The following MAP3K5 variants were observed in gnomAD, a reference collection of about 807,000 sequenced individuals.
MAP3K5 encodes the protein mitogen-activated protein kinase kinase kinase 5.
MAP3K5 carries 56 observed loss-of-function variants against 158.7 expected under a neutral mutation model. The observed-to-expected ratio is 0.35, with a 90% CI of 0.28 to 0.44. The LOEUF (loss-of-function observed/expected upper bound fraction) is 0.44. Among genes scored for constraint, MAP3K5 ranks in the 20% least tolerant of loss-of-function variants. MAP3K5 has a pLI of 1.00. For synonymous variants in MAP3K5, 579 were observed against 601.7 expected, an observed-to-expected ratio of 0.96 and a Z score of 0.55; for missense variants, 1,294 against 1,674.8, an observed-to-expected ratio of 0.77 and a Z score of 3.97.
rs1780110156 is a variant in MAP3K5, at chr6:136,685,515, CA to C, written c.1253+8624del. 3.9e-5 allele frequency among the ~76,000 whole-genome samples: 6 copies of C among 152,206 alleles called. No homozygotes were observed. In the East Asian group the frequency reaches 7.7e-4, roughly 20 times the overall value. ...TCCTCCCTCCACTGTGGGTCAGGAA[CA>C]TTTATTAATATTATTAAAAAAGAGA... On this transcript the variant is annotated intron_variant, in intron 7 of 29. Coordinates refer to ENST00000359015, the MANE Select transcript of MAP3K5 (RefSeq NM_005923.4).
intron 28 of MAP3K5, among the ~76,000 whole-genome samples, chr6:136,561,295 C>T (rs559291626): frequency 1.3e-5 from 2 of 152,294 alleles, no homozygotes; most frequent in East Asian, 1.9e-4. Context: ...CAACCTCTCT[C>T]GCCCTATCTA....
At chr6:136,729,703 G>A (rs1374009178) in intron 1 of MAP3K5, among the ~76,000 whole-genome samples, 2 of 152,206 alleles carry the variant, frequency 1.3e-5, no homozygotes, top group South Asian at 2.1e-4. Context: ...GGTTTGAGAA[G>A]AGGTATGTCA....
At chr6:136,596,712 C>A (rs1031019872) in intron 21 of MAP3K5, among the ~76,000 whole-genome samples, 1 of 152,150 alleles carries the variant, frequency 6.6e-6, no homozygotes, top group African/African-American at 2.4e-5. Context: ...GTGGAAAGAG[C>A]AAGACAGGTG....
chr6:136,621,493 G>A (rs954721404), intron 15 of MAP3K5, among the ~76,000 whole-genome samples: 3 of 152,178 alleles, frequency 2.0e-5, no homozygotes, highest in Admixed American at 2.0e-4. Context: ...TAGAAAGGTG[G>A]ACATGATATC....
At chr6:136,650,253 T>C (rs1378921313) in intron 11 of MAP3K5, among the ~76,000 whole-genome samples, 3 of 152,200 alleles carry the variant, frequency 2.0e-5, no homozygotes, top group Non-Finnish European at 4.4e-5. Flanking sequence ...TGGGAAACAG[T>C]TACGAGAAAG....
intron 1 of MAP3K5, among the ~76,000 whole-genome samples, chr6:136,778,037 A>G (rs931774153): frequency 3.3e-5 from 5 of 152,242 alleles, no homozygotes; most frequent in African/African-American, 9.6e-5. Flanking sequence ...TACTAGGAAA[A>G]TAATATATTT....
chr6:136,570,587 TTCAAGG>T (rs757056498), intron 25 of MAP3K5, among the ~76,000 whole-genome samples: 5 of 152,196 alleles, frequency 3.3e-5, no homozygotes, highest in Non-Finnish European at 7.3e-5. Context: ...AGTGTCCTTT[TTCAAGG>T]CCCAGTTTAC....
intron 7 of MAP3K5, among the ~76,000 whole-genome samples, chr6:136,685,518 T>A (rs1780110263): frequency 6.6e-6 from 1 of 152,070 alleles, no homozygotes; most frequent in Non-Finnish European, 1.5e-5. Context: ...TCAGGAACAT[T>A]TATTAATATT....
chr6:136,615,631 C>A (rs1776530028), intron 15 of MAP3K5, among the ~76,000 whole-genome samples: 1 of 152,098 alleles, frequency 6.6e-6, no homozygotes, highest in South Asian at 2.1e-4. Context: ...TCAGTAGCCT[C>A]AAATTTTACT....
chr6:136,650,941 C>A, intron 11 of MAP3K5, 43 bp downstream of exon 11: 2 of 1,262,004 alleles, frequency 1.6e-6, no homozygotes, highest in South Asian at 2.5e-5. Context: ...GGTGTAAAGT[C>A]CCTTGTTACT....
intron 2 of MAP3K5, among the ~76,000 whole-genome samples, chr6:136,713,064 A>G (rs1781378541): frequency 6.6e-6 from 1 of 152,254 alleles, no homozygotes; most frequent in African/African-American, 2.4e-5. Context: ...ATATTCTAAA[A>G]AGGCCCAAAG....
rs369883819 is a variant in MAP3K5, at chr6:136,753,130, G to T, written c.449-32541C>A. On this transcript the variant is annotated intron_variant, in intron 1 of 29. Coordinates refer to ENST00000359015, the MANE Select transcript of MAP3K5 (RefSeq NM_005923.4). The stretch of plus-strand genomic sequence containing the variant: ...AATTTATTTATCTGCCTGTTTATTG[G>T]GTGACATTTTTCTAACACACACTTT... 6.6e-5 allele frequency among the ~76,000 whole-genome samples: 10 copies of T among 152,126 alleles called. No homozygotes were observed. The East Asian group carries it at 1.9e-3, about 29-fold the overall frequency.
At chr6:136,726,282 G>C (rs1162405421) in intron 1 of MAP3K5, among the ~76,000 whole-genome samples, 1 of 152,162 alleles carries the variant, frequency 6.6e-6, no homozygotes, top group Non-Finnish European at 1.5e-5. Flanking sequence ...AGAAAGAACT[G>C]ACATCTTAAC....
At chr6:136,678,190 A>G (rs1218480181) in intron 7 of MAP3K5, among the ~76,000 whole-genome samples, 2 of 152,140 alleles carry the variant, frequency 1.3e-5, no homozygotes, top group Non-Finnish European at 2.9e-5. Flanking sequence ...GTTGAATTAA[A>G]CAGGAAAAAT....
intron 1 of MAP3K5, among the ~76,000 whole-genome samples, chr6:136,758,952 C>G (rs1300241455): frequency 6.6e-6 from 1 of 152,172 alleles, no homozygotes; most frequent in African/African-American, 2.4e-5. Flanking sequence ...GCAGGCAGAT[C>G]ACTTGAGGCC....
chr6:136,723,556 T>C (rs1188314623), intron 1 of MAP3K5, among the ~76,000 whole-genome samples: 1 of 152,212 alleles, frequency 6.6e-6, no homozygotes, highest in Non-Finnish European at 1.5e-5. Flanking sequence ...CGATTTCTAT[T>C]ATGAACATTG....
At chr6:136,751,086 C>A (rs771190139) in intron 1 of MAP3K5, among the ~76,000 whole-genome samples, 2 of 151,092 alleles carry the variant, frequency 1.3e-5, no homozygotes, top group Admixed American at 6.6e-5. Flanking sequence ...CATTCTTTTG[C>A]TCTAATGCAG....
intron 1 of MAP3K5, among the ~76,000 whole-genome samples, chr6:136,739,793 CT>C (rs1782634199): frequency 6.6e-6 from 1 of 152,194 alleles, no homozygotes; most frequent in African/African-American, 2.4e-5. Flanking sequence ...TTCAAACAGT[CT>C]TAGATGTCTG....
chr6:136,639,061 C>T (rs1315394648), intron 13 of MAP3K5, among the ~76,000 whole-genome samples: 2 of 152,118 alleles, frequency 1.3e-5, no homozygotes, highest in African/African-American at 4.8e-5. Context: ...ATCAGTGGCT[C>T]TTAACTCAGG....
Sources: allele counts gnomAD v4.1 joint callset (sites outside exome capture counted in the v4.1 genomes callset), GRCh38; gene constraint gnomAD v4.1.1; transcripts MANE v1.5; gene names NCBI Gene and HGNC (gene_info 2026-07-23, HGNC 2026-07-21).